TFR2: variants seen among roughly 807,000 people sequenced by gnomAD.
The protein encoded by TFR2 is transferrin receptor 2, also known as transferrin receptor protein 2.
Under a neutral mutation model 91.9 loss-of-function variants are expected in TFR2, and 64 were observed. The ratio of observed to expected loss-of-function variants is 0.70; its 90% CI spans 0.57 to 0.86. TFR2 has a LOEUF of 0.86. Ranked by LOEUF, TFR2 falls within the 40% of genes least tolerant of loss-of-function variation. The probability of loss-of-function intolerance (pLI) is 0.00; values close to 1 mark genes in which losing one functional copy is unlikely to be tolerated. For missense variants in TFR2, 950 were observed against 1,080.5 expected, an observed-to-expected ratio of 0.88 and a Z score of 1.69; for synonymous variants, 454 against 459.6, an observed-to-expected ratio of 0.99 and a Z score of 0.15.
At chr7:100,633,581 T>C (rs1479379850) in intron 3 of TFR2, 25 bp from the exon 4 acceptor site, 2 of 1,588,438 alleles carry the variant, frequency 1.3e-6, no homozygotes, top group Admixed American at 1.7e-5. Context: ...GTGGGGACTT[T>C]TCTGGGCGCC....
Position 100,632,129 on chromosome 7 carries a change from C to T in TFR2, c.919G>A (p.Asp307Asn). ...IYPEPADFSQ[D>N]PPKPSLSSQQ... The stretch of plus-strand genomic sequence containing the variant: ...CTGGACAGGCTTGGCTTGGGTGGGT[C>T]CTGGGAGAAGTCCGCTGGCTCTGGG... The change falls in exon 7 of 18, where the codon GAC becomes AAC. Residue 307 changes from aspartate to asparagine, a missense_variant. Asp to Asn is a conservative substitution (Grantham distance 23). Coordinates refer to ENST00000223051, the MANE Select transcript of TFR2 (RefSeq NM_003227.4). 1 of 1,614,064 alleles carries T rather than the reference C, an allele frequency of 6.2e-7. No individual in the cohort carries two copies. Among genetic ancestry groups the T allele is most frequent in the Non-Finnish European group, 8.5e-7 (1 of 1,180,020 alleles).
rs1278891673 is a variant in TFR2 at position 100,630,912 on chromosome 7, C to A, written c.1247G>T (p.Cys416Phe). The A allele has an allele frequency of 6.2e-7, 1 of 1,613,090 alleles. No homozygotes were observed. Among genetic ancestry groups the A allele is most frequent in the East Asian group, 2.2e-5 (1 of 44,884 alleles). ...TSTPINNIFGCIEGRSEPDHY... is the reference protein window; with the variant it reads ...TSTPINNIFGFIEGRSEPDHY... ...ACCTGGCTCTGAGCGGCCTTCGATGCAGCCGAAGATGTTGTTGATGGGGGT... is the reference window on the plus strand; with the variant it reads ...ACCTGGCTCTGAGCGGCCTTCGATGAAGCCGAAGATGTTGTTGATGGGGGT... The change falls in exon 9 of 18, where the codon TGC (cysteine) becomes TTC (phenylalanine). Residue 416 changes from cysteine to phenylalanine, a missense_variant. By Grantham distance (205) the Cys-to-Phe change is radical. Transcript: ENST00000223051.
At chr7:100,631,548 CG>C in intron 8 of TFR2, 1 of 395,462 alleles carries the variant, frequency 2.5e-6, no homozygotes. Context: ...CACTTGAACC[CG>C]GGAGGTGGAG....
intron 3 of TFR2, 46 bp from the exon 4 acceptor site, chr7:100,633,602 G>A (rs760944749): frequency 2.5e-6 from 4 of 1,570,654 alleles, no homozygotes; most frequent in Middle Eastern, 2.2e-4. Flanking sequence ...CGGAGGAGAG[G>A]GAGGGAAGAG....
At chr7:100,637,604 AAAT>A (rs1318217302) in intron 3 of TFR2, among the ~76,000 whole-genome samples, 1 of 151,316 alleles carries the variant, frequency 6.6e-6, no homozygotes, top group Non-Finnish European at 1.5e-5. Context: ...AAATATATAA[AAAT>A]AAATAAATCC....
At chr7:100,634,922 TTTTC>T (rs931545514) in intron 3 of TFR2, among the ~76,000 whole-genome samples, 11 of 152,122 alleles carry the variant, frequency 7.2e-5, no homozygotes, top group African/African-American at 2.7e-4. Flanking sequence ...CACACTTTTC[TTTTC>T]TTTTTTCTTT....
At chr7:100,636,170 C>CTTTTTTTTTTTTTTTTTTTTTTTTT (rs10584926) in intron 3 of TFR2, among the ~76,000 whole-genome samples, 1 of 85,732 alleles carries the variant, frequency 1.2e-5, no homozygotes. Context: ...CACCCTGCAT[C>CTTTTTTTTTTTTTTTTTTTTTTTTT]TTTTTTTTTT....
intron 2 of TFR2, 45 bp downstream of exon 2, chr7:100,640,931 C>T (rs1262854175): frequency 3.1e-6 from 5 of 1,613,572 alleles, no homozygotes; most frequent in Non-Finnish European, 4.2e-6. Context: ...CAGAAATCTC[C>T]CCCAGCCCAA....
chr7:100,632,522 C>T (rs1377167997), intron 6 of TFR2, among the ~76,000 whole-genome samples: 1 of 150,674 alleles, frequency 6.6e-6, no homozygotes, highest in Non-Finnish European at 1.5e-5. Context: ...TCCTTCCTCC[C>T]TCCCTCCCTC....
chr7:100,640,985 A>C lies in TFR2; in HGVS notation c.277T>G (p.Phe93Val). Reference sequence around the variant, plus strand: ...GGGGGACGGCTCTCACCCCCAGTGAAGATCAGCAGGGCCGTCAGGACCAGG... The same window carrying C: ...GGGGGACGGCTCTCACCCCCAGTGACGATCAGCAGGGCCGTCAGGACCAGG... ...PYLVLTALLI[F>V]TGAFLLGYVA... The change falls in exon 2 of 18, where the codon TTC becomes GTC. Residue 93 changes from phenylalanine (F) to valine (V), a missense_variant. Transcript: ENST00000223051. 1 of 1,609,728 alleles carries C rather than the reference A, an allele frequency of 6.2e-7. No individual in the cohort carries two copies. The highest frequency in any genetic ancestry group is 8.5e-7 in the Non-Finnish European group (1 of 1,176,998).
rs1210760430 is a variant in TFR2, at chr7:100,632,109, C to G, written c.939G>C (p.Leu313=). The G allele has an allele frequency of 6.2e-7, 1 of 1,614,160 alleles. No homozygotes were observed. Among genetic ancestry groups the G allele is most frequent in the African/African-American group, 1.3e-5 (1 of 75,036 alleles). Residue 313 remains leucine, a synonymous_variant, in exon 7 of 18, where the codon CTG becomes CTC. Coordinates refer to ENST00000223051, the MANE Select transcript of TFR2 (RefSeq NM_003227.4). ...GTCCATACACTGCCTGCTGGCTGGA[C>G]AGGCTTGGCTTGGGTGGGTCCTGGG... ...DFSQDPPKPS[L]SSQQAVYGHV...
chr7:100,623,030 T>C (rs1352758523), intron 17 of TFR2, among the ~76,000 whole-genome samples: 2 of 151,604 alleles, frequency 1.3e-5, no homozygotes, highest in South Asian at 4.2e-4. Flanking sequence ...ATCCCAGCAC[T>C]TTGGGAGGCC....
At chr7:100,630,535 C>T (rs1803404421) in intron 9 of TFR2, among the ~76,000 whole-genome samples, 1 of 152,218 alleles carries the variant, frequency 6.6e-6, no homozygotes, top group Admixed American at 6.5e-5. Flanking sequence ...AGTGATCCAC[C>T]TGCCTGGGCC....
chr7:100,632,627 G>A, intron 6 of TFR2: 1 of 323,448 alleles, frequency 3.1e-6, no homozygotes, highest in Admixed American at 5.0e-5. Flanking sequence ...ATAGCTCACT[G>A]CAGCCTGGCA....
rs772076371 is a variant in TFR2, at chr7:100,629,293, G to A, written c.1350C>T (p.Leu450=). The change falls in exon 10 of 18, where the codon CTC becomes CTT. Residue 450 remains leucine (L), a synonymous_variant. Transcript: ENST00000223051. Reference sequence around the variant, plus strand: ...AGGAAAAGGTCCGCACCAGCTCCAGGAGTATAGCCGTCCCCACAGCGGATT... The same window carrying A: ...AGGAAAAGGTCCGCACCAGCTCCAGAAGTATAGCCGTCCCCACAGCGGATT... ...AAKSAVGTAI[L]LELVRTFSSM... The A allele has an allele frequency of 1.2e-6, 2 of 1,614,122 alleles. No homozygotes were observed. The highest frequency in any genetic ancestry group is 1.7e-5 in the Admixed American group (1 of 60,018).
chr7:100,627,320 C>G lies in TFR2; in HGVS notation c.1939G>C (p.Gly647Arg). 1.9e-6 allele frequency: 3 copies of G among 1,550,238 alleles called. No individual in the cohort carries two copies. Among genetic ancestry groups the G allele is most frequent in the South Asian group, 1.2e-5 (1 of 84,034 alleles). ...CCGATGTGCCTGAGGACGACGTCCC[C>G]GTAGCGGCCGAAGTCGAGGGGCAGC... ...RLLPLDFGRY[G>R]DVVLRHIGNL... Residue 647 changes from glycine to arginine, a missense_variant, in exon 16 of 18, where the codon GGG (glycine) becomes CGG (arginine). By Grantham distance (125) the Gly-to-Arg change is moderately radical (BLOSUM62 -2). Coordinates refer to ENST00000223051, the MANE Select transcript of TFR2 (RefSeq NM_003227.4).
intron 3 of TFR2, among the ~76,000 whole-genome samples, chr7:100,637,165 C>T (rs909335782): frequency 2.0e-5 from 3 of 151,950 alleles, no homozygotes; most frequent in African/African-American, 7.3e-5. Flanking sequence ...TTTGGGAGGC[C>T]GAGGTGGGTG....
chr7:100,629,442 C>T, intron 9 of TFR2, 70 bp from the exon 10 acceptor site: 1 of 1,605,448 alleles, frequency 6.2e-7, no homozygotes, highest in African/African-American at 1.3e-5. Context: ...CTCCATCTGC[C>T]TGTGTCTCTC....
intron 3 of TFR2, 42 bp downstream of exon 3, chr7:100,640,644 G>A (rs1404398360): frequency 6.2e-7 from 1 of 1,601,014 alleles, no homozygotes; most frequent in Non-Finnish European, 8.5e-7. Flanking sequence ...GCGGATGAGG[G>A]GAGGGACACT....
Sources: allele counts gnomAD v4.1 joint callset (sites outside exome capture counted in the v4.1 genomes callset), GRCh38; gene constraint gnomAD v4.1.1; transcripts MANE v1.5; gene names NCBI Gene and HGNC (gene_info 2026-07-23, HGNC 2026-07-21).